SYT1: variants seen among roughly 807,000 people sequenced by gnomAD.
SYT1 encodes the protein synaptotagmin 1, also known as synaptotagmin-1.
A neutral mutation model predicts 44.8 loss-of-function variants in SYT1; 8 were observed. The ratio of observed to expected loss-of-function variants is 0.18; its 90% CI spans 0.10 to 0.32. SYT1 has a LOEUF of 0.32. Among genes scored for constraint, SYT1 ranks in the 10% least tolerant of loss-of-function variants. SYT1 has a pLI of 1.00. For synonymous variants in SYT1, 154 were observed against 188.8 expected, an observed-to-expected ratio of 0.82 and a Z score of 1.51; for missense variants, 286 against 509.3, an observed-to-expected ratio of 0.56 and a Z score of 4.22.
At chr12:79,115,691 T>C (rs1004777317) in intron 3 of SYT1, among the ~76,000 whole-genome samples, 8 of 152,328 alleles carry the variant, frequency 5.3e-5, no homozygotes, top group Non-Finnish European at 1.2e-4. Context: ...ACTGATATTG[T>C]AGAATATTAA....
intron 1 of SYT1, among the ~76,000 whole-genome samples, chr12:78,974,630 G>T (rs73349601): frequency 0.32 from 47,879 of 151,278 alleles, 7,664 homozygotes; most frequent in African/African-American, 0.38. Flanking sequence ...TAGAGACGGG[G>T]TTTCACCATG....
intron 4 of SYT1, among the ~76,000 whole-genome samples, chr12:79,227,145 T>C (rs1875570616): frequency 6.6e-6 from 1 of 152,124 alleles, no homozygotes; most frequent in Admixed American, 6.5e-5. Context: ...AGTTGGGTAA[T>C]CTGCACAGTC....
chr12:78,994,392 T>C (rs1294835821), intron 2 of SYT1, among the ~76,000 whole-genome samples: 2 of 152,184 alleles, frequency 1.3e-5, no homozygotes, highest in African/African-American at 2.4e-5. Flanking sequence ...AGACATTCAC[T>C]GAATAGTCTG....
intron 8 of SYT1, among the ~76,000 whole-genome samples, chr12:79,317,046 T>C (rs1415508627): frequency 6.6e-6 from 1 of 152,230 alleles, no homozygotes; most frequent in Non-Finnish European, 1.5e-5. Flanking sequence ...GTCTGTCCAA[T>C]GCCAAATGAA....
intron 3 of SYT1, among the ~76,000 whole-genome samples, chr12:79,060,856 T>C (rs1387898376): frequency 6.6e-6 from 1 of 151,956 alleles, no homozygotes; most frequent in African/African-American, 2.4e-5. Flanking sequence ...CTAAAATTAA[T>C]CATGGAAAAC....
chr12:79,138,399 T>C (rs1869335422), intron 3 of SYT1, among the ~76,000 whole-genome samples: 1 of 152,236 alleles, frequency 6.6e-6, no homozygotes, highest in Admixed American at 6.5e-5. Context: ...AGTAATGCAA[T>C]ATTAAATGAT....
chr12:78,931,256 A>G (rs1877677607), intron 1 of SYT1, among the ~76,000 whole-genome samples: 3 of 68,080 alleles, frequency 4.4e-5, no homozygotes, highest in Non-Finnish European at 6.5e-5. Context: ...GGAAGGAAGG[A>G]AGGAAGGAAG....
intron 2 of SYT1, among the ~76,000 whole-genome samples, chr12:79,040,145 G>A (rs1471214188): frequency 6.6e-6 from 1 of 151,932 alleles, no homozygotes; most frequent in African/African-American, 2.4e-5. Flanking sequence ...CCCAGTAATG[G>A]GATGGCTGGG....
chr12:79,338,934 T>C (rs1882226257), intron 8 of SYT1, among the ~76,000 whole-genome samples: 1 of 152,082 alleles, frequency 6.6e-6, no homozygotes, highest in Non-Finnish European at 1.5e-5. Flanking sequence ...TTTTCTGTCC[T>C]TGTGATAGTT....
chr12:78,885,385 A>G (rs1003249965), intron 1 of SYT1, among the ~76,000 whole-genome samples: 3 of 150,602 alleles, frequency 2.0e-5, no homozygotes, highest in African/African-American at 4.9e-5. Flanking sequence ...GGGAGGGAGG[A>G]AGGGAAGGAA....
rs562360705 is a variant in SYT1 at position 79,280,905 on chromosome 12, C to T, written c.167-4882C>T. ...ACAAACATATGAAAAAAATGCTCCACATCACTAATCATCAGAGAAATAAAA... is the reference window on the plus strand; with the variant it reads ...ACAAACATATGAAAAAAATGCTCCATATCACTAATCATCAGAGAAATAAAA... On this transcript the variant is annotated intron_variant, in intron 4 of 10. Coordinates refer to ENST00000261205, the MANE Select transcript of SYT1 (RefSeq NM_005639.3). Among the ~76,000 whole-genome samples, 21 of 151,178 alleles carry T rather than the reference C, an allele frequency of 1.4e-4. No homozygotes were observed. In the East Asian group the frequency reaches 4.1e-3, roughly 29 times the overall value.
intron 3 of SYT1, among the ~76,000 whole-genome samples, chr12:79,210,731 T>C (rs1362665338): frequency 1.3e-5 from 2 of 152,208 alleles, no homozygotes; most frequent in Non-Finnish European, 1.5e-5. Context: ...ATCTTTTTCA[T>C]ATAATGACTT....
intron 2 of SYT1, among the ~76,000 whole-genome samples, chr12:78,982,851 T>C (rs1484333379): frequency 6.6e-6 from 1 of 152,162 alleles, no homozygotes; most frequent in Non-Finnish European, 1.5e-5. Context: ...ATCCAACAAA[T>C]CTTATCCATC....
Position 79,114,475 on chromosome 12 carries a change from C to A in SYT1, c.-18+67113C>A, listed in dbSNP as rs571715540. 1.4e-4 allele frequency among the ~76,000 whole-genome samples: 21 copies of A among 152,226 alleles called. No homozygotes were observed. The South Asian group carries it at 2.7e-3, about 20-fold the overall frequency. On this transcript the variant is annotated intron_variant, in intron 3 of 10. Transcript: ENST00000261205. ...ATTGGGAGGTAAGGGGGCTGATGCT[C>A]AATTCCTCCAACCCCTAACTCCCAT... is the stretch of plus-strand genomic sequence containing the variant.
intron 4 of SYT1, among the ~76,000 whole-genome samples, chr12:79,260,805 A>AT (rs11376724): frequency 0.61 from 91,712 of 149,652 alleles, 28,627 homozygotes; most frequent in Non-Finnish European, 0.68. Flanking sequence ...GAAATCTCAT[A>AT]TTTTTTTTTT....
chr12:79,234,977 G>A (rs897189733), intron 4 of SYT1, among the ~76,000 whole-genome samples: 1 of 152,078 alleles, frequency 6.6e-6, no homozygotes, highest in Non-Finnish European at 1.5e-5. Context: ...CCAAAATGCT[G>A]GGATTACAGG....
chr12:79,152,363 A>C (rs771561168), intron 3 of SYT1, among the ~76,000 whole-genome samples: 1 of 152,146 alleles, frequency 6.6e-6, no homozygotes, highest in South Asian at 2.1e-4. Context: ...AGATACAAAC[A>C]GACATACCTC....
chr12:78,899,556 T>C (rs1334902239), intron 1 of SYT1, among the ~76,000 whole-genome samples: 1 of 152,028 alleles, frequency 6.6e-6, no homozygotes, highest in African/African-American at 2.4e-5. Context: ...TACAATCTAC[T>C]CTATTTAAAA....
At chr12:79,040,065 T>C (rs1215703578) in intron 2 of SYT1, among the ~76,000 whole-genome samples, 1 of 152,070 alleles carries the variant, frequency 6.6e-6, no homozygotes, top group Non-Finnish European at 1.5e-5. Context: ...CTATTGTGAG[T>C]AATGCCGCAA....
Sources: allele counts gnomAD v4.1 joint callset (sites outside exome capture counted in the v4.1 genomes callset), GRCh38; gene constraint gnomAD v4.1.1; transcripts MANE v1.5; gene names NCBI Gene and HGNC (gene_info 2026-07-23, HGNC 2026-07-21).